Variants in GABRB3 observed in about 807,000 individuals in gnomAD.
GABRB3 encodes the protein gamma-aminobutyric acid receptor subunit beta-3.
Under a neutral mutation model 52.1 loss-of-function variants are expected in GABRB3, and 14 were observed. The observed-to-expected ratio is 0.27, with a 90% CI of 0.18 to 0.42. GABRB3 has a LOEUF of 0.42. Among genes scored for constraint, GABRB3 ranks in the 10% least tolerant of loss-of-function variants. GABRB3 has a pLI of 1.00. For synonymous variants in GABRB3, 260 were observed against 232.3 expected (o/e 1.12, Z -1.08); for missense variants, 307 against 609.1 (o/e 0.50, Z 5.22).
At chr15:26,764,266 C>T (rs1353271339) in intron 3 of GABRB3, among the ~76,000 whole-genome samples, 1 of 127,628 alleles carries the variant, frequency 7.8e-6, no homozygotes, top group African/African-American at 3.1e-5. Context: ...GTGGATTCAG[C>T]AGTTACATAA....
At chr15:26,693,473 G>A (rs964978448) in intron 3 of GABRB3, among the ~76,000 whole-genome samples, 1 of 151,634 alleles carries the variant, frequency 6.6e-6, no homozygotes, top group East Asian at 2.0e-4. Context: ...TTCCACCAGA[G>A]CGGTATTTCC....
In GABRB3 at chr15:26,548,253, C is replaced by T. The variant is rs533851924; in HGVS notation, c.1081-119G>A. On this transcript the variant is annotated intron_variant, in intron 8 of 8. Transcript: ENST00000311550. ...GCATGTTTTACGAGAAACTGTACAT[C>T]TGTCAAATCCAGCACTCCGTTTTAT... 2.1e-4 allele frequency: 173 copies of T among 829,086 alleles called. 1 individual carries two copies. In the South Asian group the frequency reaches 2.3e-3, roughly 11 times the overall value. 51.4% of individuals were successfully genotyped at this position (829,086 alleles called of 1,614,324 possible).
chr15:26,729,863 T>G (rs1422660809), intron 3 of GABRB3, among the ~76,000 whole-genome samples: 1 of 152,178 alleles, frequency 6.6e-6, no homozygotes, highest in African/African-American at 2.4e-5. Context: ...TTTACTTGCA[T>G]GTTTGTTTGT....
intron 3 of GABRB3, among the ~76,000 whole-genome samples, chr15:26,735,735 G>A (rs764502381): frequency 6.6e-6 from 1 of 152,072 alleles, no homozygotes; most frequent in Admixed American, 6.6e-5. Context: ...GATCGCTTGA[G>A]CCCAAAAGTT....
At chr15:26,727,010 T>C (rs1889791311) in intron 3 of GABRB3, among the ~76,000 whole-genome samples, 1 of 152,060 alleles carries the variant, frequency 6.6e-6, no homozygotes, top group Admixed American at 6.5e-5. Context: ...AATACAAATA[T>C]TAGCTGGGTG....
chr15:26,664,988 C>T (rs1183886178), intron 3 of GABRB3, among the ~76,000 whole-genome samples: 1 of 151,740 alleles, frequency 6.6e-6, no homozygotes, highest in Non-Finnish European at 1.5e-5. Flanking sequence ...GCGTGAACGC[C>T]CTTATCATTT....
At chr15:26,630,400 T>A (rs2140557911) in intron 3 of GABRB3, among the ~76,000 whole-genome samples, 1 of 152,348 alleles carries the variant, frequency 6.6e-6, no homozygotes, top group South Asian at 2.1e-4. Flanking sequence ...TACTGGGAAC[T>A]GGAACTCTCT....
chr15:26,678,682 G>A (rs986907624), intron 3 of GABRB3, among the ~76,000 whole-genome samples: 5 of 152,112 alleles, frequency 3.3e-5, no homozygotes, highest in Non-Finnish European at 7.3e-5. Context: ...TGGATGGATC[G>A]ACTCTGAGGT....
chr15:26,665,203 T>C (rs1294002594), intron 3 of GABRB3, among the ~76,000 whole-genome samples: 3 of 152,224 alleles, frequency 2.0e-5, no homozygotes, highest in South Asian at 2.1e-4. Flanking sequence ...ATTGTATCCA[T>C]CTGTATGTTT....
chr15:26,657,830 A>G (rs1363650372), intron 3 of GABRB3, among the ~76,000 whole-genome samples: 6 of 152,208 alleles, frequency 3.9e-5, no homozygotes, highest in Admixed American at 2.0e-4. Context: ...TCTTGGGCCC[A>G]GCCTAACTAA....
At chr15:26,683,259 T>C (rs146028188) in intron 3 of GABRB3, among the ~76,000 whole-genome samples, 153 of 152,138 alleles carry the variant, frequency 1.0e-3, no homozygotes, top group African/African-American at 3.6e-3. Context: ...AATTGTATTA[T>C]TACAAAATAA....
intron 3 of GABRB3, among the ~76,000 whole-genome samples, chr15:26,672,653 A>G (rs545700354): frequency 2.0e-4 from 31 of 151,858 alleles, no homozygotes; most frequent in Non-Finnish European, 4.3e-4. Context: ...GAGTGGAGAA[A>G]AAAATTTTTC....
intron 4 of GABRB3, among the ~76,000 whole-genome samples, chr15:26,588,861 T>C (rs959389992): frequency 1.3e-5 from 2 of 152,208 alleles, no homozygotes; most frequent in Non-Finnish European, 1.5e-5. Flanking sequence ...GGTCATTTAT[T>C]AGATCATTCC....
At chr15:26,753,644 G>A (rs924251314) in intron 3 of GABRB3, among the ~76,000 whole-genome samples, 3 of 152,210 alleles carry the variant, frequency 2.0e-5, no homozygotes, top group Non-Finnish European at 4.4e-5. Context: ...AAAGGGATTG[G>A]CCAGTCTCTT....
chr15:26,768,921 A>T (rs1375276925), intron 3 of GABRB3, among the ~76,000 whole-genome samples: 1 of 152,222 alleles, frequency 6.6e-6, no homozygotes, highest in Non-Finnish European at 1.5e-5. Context: ...ATATTAAAAC[A>T]TTCAAATCCC....
At chr15:26,641,225 T>C (rs1436150969) in intron 3 of GABRB3, among the ~76,000 whole-genome samples, 1 of 152,188 alleles carries the variant, frequency 6.6e-6, no homozygotes, top group Non-Finnish European at 1.5e-5. Context: ...AGCCTGCAAT[T>C]ATCAGATCGC....
intron 3 of GABRB3, among the ~76,000 whole-genome samples, chr15:26,676,762 C>G (rs1171225567): frequency 1.3e-5 from 2 of 152,160 alleles, no homozygotes; most frequent in Non-Finnish European, 2.9e-5. Flanking sequence ...TACACTCCCC[C>G]ACTAACAGAC....
intron 3 of GABRB3, among the ~76,000 whole-genome samples, chr15:26,639,187 A>G (rs1893133456): frequency 6.6e-6 from 1 of 152,122 alleles, no homozygotes; most frequent in Non-Finnish European, 1.5e-5. Flanking sequence ...TATAATAATC[A>G]TGGCCATCAA....
In GABRB3 at chr15:26,723,862, C is replaced by A. The variant is rs143602713; in HGVS notation, c.240+48540G>T. 2.2e-3 allele frequency among the ~76,000 whole-genome samples: 337 copies of A among 152,148 alleles called. 2 individuals carry two copies. The highest frequency in any genetic ancestry group is 7.7e-3 in the African/African-American group (318 of 41,516). On this transcript the variant is annotated intron_variant, in intron 3 of 8. Coordinates refer to ENST00000311550, the MANE Select transcript of GABRB3 (RefSeq NM_000814.6). ...TTCACAAAGAAAAACTTATCAGACA[C>A]GTGATGTAAACCAATTGTACCAGTG...
Sources: gnomAD v4.1 joint callset for allele counts (sites outside exome capture counted in the v4.1 genomes callset) on GRCh38, gnomAD v4.1.1 for gene constraint, MANE v1.5 for transcripts, NCBI Gene and HGNC (gene_info 2026-07-23, HGNC 2026-07-21) for gene names.